Variants in TRPM3 observed in about 807,000 individuals in gnomAD.
TRPM3 encodes transient receptor potential cation channel subfamily M member 3.
TRPM3 carries 77 observed loss-of-function variants against 181.2 expected under a neutral mutation model. The ratio of observed to expected loss-of-function variants is 0.42; its 90% CI spans 0.35 to 0.51. The LOEUF is 0.51. Among genes scored for constraint, TRPM3 ranks in the 20% least tolerant of loss-of-function variants. The pLI is 0.01. For missense variants in TRPM3, 1,759 were observed against 2,196.7 expected (o/e 0.80, Z 3.98); for synonymous variants, 745 against 796.4 (o/e 0.94, Z 1.09).
chr9:71,280,075 T>A (rs1184500305), intron 1 of TRPM3, among the ~76,000 whole-genome samples: 1 of 111,328 alleles, frequency 9.0e-6, no homozygotes, highest in African/African-American at 3.4e-5. Context: ...TGAAACTCCA[T>A]CTCAAAAAAA....
intron 1 of TRPM3, among the ~76,000 whole-genome samples, chr9:71,181,492 C>A (rs887257292): frequency 1.5e-4 from 22 of 151,328 alleles, no homozygotes; most frequent in Non-Finnish European, 3.1e-4. Flanking sequence ...ATAGGAAATA[C>A]ATAGCTTAAA....
intron 1 of TRPM3, among the ~76,000 whole-genome samples, chr9:71,135,520 A>G (rs1345558402): frequency 6.6e-6 from 1 of 152,176 alleles, no homozygotes. Context: ...TTAGATTTTA[A>G]GATTAGTTCC....
At chr9:71,436,271 G>A (rs554078259) in intron 1 of TRPM3, among the ~76,000 whole-genome samples, 46 of 149,176 alleles carry the variant, frequency 3.1e-4, no homozygotes, top group African/African-American at 1.0e-3. Flanking sequence ...CTGTAGGTCC[G>A]ATTAAACCTC....
intron 1 of TRPM3, among the ~76,000 whole-genome samples, chr9:71,153,631 C>T (rs890522293): frequency 1.3e-5 from 2 of 152,042 alleles, no homozygotes; most frequent in African/African-American, 4.8e-5. Context: ...TTGATGATTT[C>T]GGACACATCC....
chr9:71,004,305 G>C (rs1037484923), intron 1 of TRPM3, among the ~76,000 whole-genome samples: 10 of 152,236 alleles, frequency 6.6e-5, no homozygotes, highest in Admixed American at 6.5e-4. Flanking sequence ...CAACCCAAAG[G>C]CTGGTGATTA....
intron 1 of TRPM3, 151 bp downstream of exon 1, chr9:71,121,027 T>G: frequency 1.5e-6 from 1 of 647,220 alleles, no homozygotes. Flanking sequence ...AGGGCAGGAG[T>G]ACTGAGAACC....
At chr9:70,982,687 G>C (rs915068657) in intron 1 of TRPM3, among the ~76,000 whole-genome samples, 2 of 152,074 alleles carry the variant, frequency 1.3e-5, no homozygotes, top group African/African-American at 4.8e-5. Context: ...CAAACTTGTT[G>C]AAAGTTCTCT....
At chr9:70,837,352 C>T (rs1157025997) in intron 5 of TRPM3, among the ~76,000 whole-genome samples, 2 of 152,076 alleles carry the variant, frequency 1.3e-5, no homozygotes, top group Non-Finnish European at 2.9e-5. Context: ...CATAAGAACC[C>T]TTACAGGCTA....
intron 1 of TRPM3, chr9:70,868,924 T>C (rs1233372668): frequency 7.6e-6 from 7 of 917,698 alleles, no homozygotes; most frequent in Middle Eastern, 5.5e-4. Flanking sequence ...GGTCTTCCTC[T>C]AGGTCCCCAG....
At chr9:71,018,225 C>CAA (rs150406662) in intron 1 of TRPM3, among the ~76,000 whole-genome samples, 34,142 of 147,764 alleles carry the variant, frequency 0.23, 4,577 homozygotes, top group East Asian at 0.34. Context: ...ATTAGAAAAG[C>CAA]AAAAAAAATG....
chr9:70,649,676 T>TGG (rs2059364889), intron 9 of TRPM3, among the ~76,000 whole-genome samples: 1 of 152,160 alleles, frequency 6.6e-6, no homozygotes, highest in African/African-American at 2.4e-5. Context: ...GAAAAGGGAA[T>TGG]GCTTATATAC....
intron 7 of TRPM3, among the ~76,000 whole-genome samples, chr9:70,781,055 G>GATATATTT (rs2082336609): frequency 6.6e-6 from 1 of 152,070 alleles, no homozygotes; most frequent in Non-Finnish European, 1.5e-5. Flanking sequence ...GCTGAGCGTG[G>GATATATTT]TGGCTCACAC....
intron 1 of TRPM3, among the ~76,000 whole-genome samples, chr9:71,215,067 A>C (rs2079778282): frequency 6.8e-6 from 1 of 147,974 alleles, no homozygotes; most frequent in African/African-American, 2.5e-5. Context: ...AAAAAACAAC[A>C]ACCCAAAACT....
intron 1 of TRPM3, among the ~76,000 whole-genome samples, chr9:71,422,897 C>G (rs1182240895): frequency 1.3e-5 from 2 of 151,974 alleles, no homozygotes; most frequent in African/African-American, 4.8e-5. Context: ...ACCTTATCAG[C>G]TCCCTACACA....
intron 7 of TRPM3, chr9:70,776,274 G>A (rs2081338358): frequency 1.9e-6 from 1 of 525,242 alleles, no homozygotes; most frequent in Non-Finnish European, 3.4e-6. Flanking sequence ...TGGGAGGTTA[G>A]GACTCTTTAA....
chr9:70,828,095 A>C, intron 5 of TRPM3, 77 bp from the exon 6 acceptor site: 1 of 1,393,754 alleles, frequency 7.2e-7, no homozygotes. Flanking sequence ...CAGACAGAGG[A>C]AAGAGAGGAA....
intron 1 of TRPM3, among the ~76,000 whole-genome samples, chr9:71,095,954 T>C (rs1157537072): frequency 6.6e-6 from 1 of 152,100 alleles, no homozygotes; most frequent in Non-Finnish European, 1.5e-5. Flanking sequence ...ATTCTCTTCA[T>C]CTATGATCAC....
chr9:71,039,129 C>T (rs778319402), intron 1 of TRPM3, among the ~76,000 whole-genome samples: 1 of 152,206 alleles, frequency 6.6e-6, no homozygotes, highest in South Asian at 2.1e-4. Flanking sequence ...TTCTGGCACT[C>T]TCATGGAAGC....
intron 1 of TRPM3, among the ~76,000 whole-genome samples, chr9:71,426,285 C>A (rs1217783667): frequency 2.5e-5 from 1 of 39,806 alleles, no homozygotes; most frequent in East Asian, 1.0e-3. Context: ...GCCCCAGCAA[C>A]TCTTTTTTTT....
Sources: gnomAD v4.1 joint callset for allele counts (sites outside exome capture counted in the v4.1 genomes callset) on GRCh38, gnomAD v4.1.1 for gene constraint, MANE v1.5 for transcripts, NCBI Gene and HGNC (gene_info 2026-07-23, HGNC 2026-07-21) for gene names.